Variants in EFCAB11 observed in about 807,000 individuals in gnomAD.
The protein encoded by EFCAB11 is EF-hand calcium binding domain 11.
Under a neutral mutation model 23.0 loss-of-function variants are expected in EFCAB11, and 14 were observed. The ratio of observed to expected loss-of-function variants is 0.61; its 90% CI spans 0.40 to 0.95. EFCAB11 has a LOEUF of 0.95. Among genes scored for constraint, EFCAB11 ranks in the 40% least tolerant of loss-of-function variants. The pLI, the probability that EFCAB11 is intolerant of heterozygous loss-of-function variation, is 0.00. For synonymous variants in EFCAB11, 65 were observed against 66.6 expected, an observed-to-expected ratio of 0.98 and a Z score of 0.11; for missense variants, 198 against 195.8, an observed-to-expected ratio of 1.01 and a Z score of -0.07.
rs1889978591 is a variant in EFCAB11 at position 89,920,186 on chromosome 14, A to C, written c.410+11355T>G. Reference sequence around the variant, plus strand: ...CAATCTGAACTGGAATGCCTTCTACAGTTTGATGGATATAAATGTTGCATC... The same window carrying C: ...CAATCTGAACTGGAATGCCTTCTACCGTTTGATGGATATAAATGTTGCATC... On this transcript the variant is annotated intron_variant, in intron 5 of 5. Transcript: ENST00000316738. 2.0e-5 allele frequency among the ~76,000 whole-genome samples: 3 copies of C among 152,364 alleles called. No individual in the cohort carries two copies. In the South Asian group the frequency reaches 6.2e-4, roughly 32 times the overall value.
At chr14:89,894,531 T>C (rs1368953234) in intron 5 of EFCAB11, among the ~76,000 whole-genome samples, 1 of 149,508 alleles carries the variant, frequency 6.7e-6, no homozygotes, top group African/African-American at 2.5e-5. Flanking sequence ...CTAGACCAGA[T>C]AAGAAATTCT....
intron 5 of EFCAB11, among the ~76,000 whole-genome samples, chr14:89,889,451 T>C (rs1249323715): frequency 6.6e-6 from 1 of 152,204 alleles, no homozygotes; most frequent in Non-Finnish European, 1.5e-5. Flanking sequence ...CTTAGAACAG[T>C]GCTTGCCAAA....
At chr14:89,883,371 G>A (rs546505716) in intron 5 of EFCAB11, among the ~76,000 whole-genome samples, 81 of 152,200 alleles carry the variant, frequency 5.3e-4, no homozygotes, top group Non-Finnish European at 1.1e-3. Flanking sequence ...TATAGTCATC[G>A]CTTGGTATCC....
intron 2 of EFCAB11, among the ~76,000 whole-genome samples, chr14:89,951,381 C>T (rs1255044681): frequency 6.6e-6 from 1 of 152,186 alleles, no homozygotes; most frequent in Non-Finnish European, 1.5e-5. Context: ...AGTAGTCTAT[C>T]TTCTCTAGTC....
chr14:89,814,587 C>T (rs1886267019), intron 5 of EFCAB11, among the ~76,000 whole-genome samples: 1 of 151,920 alleles, frequency 6.6e-6, no homozygotes, highest in Non-Finnish European at 1.5e-5. Flanking sequence ...GCCTGTAATC[C>T]CAGCTACTCG....
intron 5 of EFCAB11, chr14:89,799,541 A>T (rs1885697900): frequency 6.6e-6 from 1 of 152,180 alleles, no homozygotes; most frequent in Non-Finnish European, 1.5e-5. Context: ...CAGGTTAAAA[A>T]GCCCTCTTGT....
At position 89,813,446 on chromosome 14, in the gene EFCAB11, A is replaced by T. The variant is rs181268238; in HGVS notation, c.411-16122T>A. ...CACTCATCTTAACAAAAACAGAGAG[A>T]AACAGGGAAGAATCAATACCAAAAT... On this transcript the variant is annotated intron_variant, in intron 5 of 5. Coordinates refer to ENST00000316738, the MANE Select transcript of EFCAB11 (RefSeq NM_145231.4). 4.4e-3 allele frequency among the ~76,000 whole-genome samples: 673 copies of T among 152,348 alleles called. 7 individuals are homozygous for T. Among genetic ancestry groups the T allele is most frequent in the African/African-American group, 0.015 (627 of 41,576 alleles).
intron 5 of EFCAB11, among the ~76,000 whole-genome samples, chr14:89,877,044 GT>G (rs148793164): frequency 0.083 from 12,231 of 146,756 alleles, 704 homozygotes; most frequent in South Asian, 0.21. Context: ...ATGACCAAAA[GT>G]TTTTTTTTTT....
chr14:89,877,805 C>T lies in EFCAB11; in HGVS notation c.410+53736G>A, dbSNP rs115227184. Among the ~76,000 whole-genome samples the T allele has an allele frequency of 6.8e-3, 1,039 of 152,282 alleles. 13 individuals are homozygous for T. Among genetic ancestry groups the T allele is most frequent in the African/African-American group, 0.024 (996 of 41,544 alleles). Reference sequence around the variant, plus strand: ...ATACAAATCAGAGTATCTCAAAAGGCACCCCTTCATATATTAAGACATTGG... The same window carrying T: ...ATACAAATCAGAGTATCTCAAAAGGTACCCCTTCATATATTAAGACATTGG... On this transcript the variant is annotated intron_variant, in intron 5 of 5. Coordinates refer to ENST00000316738, the MANE Select transcript of EFCAB11 (RefSeq NM_145231.4).
chr14:89,843,824 A>T (rs1441328508), intron 5 of EFCAB11, among the ~76,000 whole-genome samples: 1 of 152,214 alleles, frequency 6.6e-6, no homozygotes, highest in Non-Finnish European at 1.5e-5. Context: ...ACACTATAAA[A>T]ACCATATTTA....
At chr14:89,895,967 T>G (rs568268977) in intron 5 of EFCAB11, among the ~76,000 whole-genome samples, 2 of 152,228 alleles carry the variant, frequency 1.3e-5, no homozygotes, top group East Asian at 3.9e-4. Flanking sequence ...GTAAAAACCA[T>G]GAACAGGTAT....
chr14:89,854,929 A>C (rs1052825098), intron 5 of EFCAB11, among the ~76,000 whole-genome samples: 42 of 152,314 alleles, frequency 2.8e-4, no homozygotes, highest in African/African-American at 1.0e-3. Flanking sequence ...AGGAAGTCTC[A>C]GTAGCTTGGT....
intron 5 of EFCAB11, among the ~76,000 whole-genome samples, chr14:89,871,450 T>C (rs1020281700): frequency 1.3e-5 from 2 of 152,182 alleles, no homozygotes; most frequent in African/African-American, 4.8e-5. Flanking sequence ...ACCTCATTGG[T>C]GAGGAAGTCT....
chr14:89,829,658 T>A (rs1285902664), intron 5 of EFCAB11, among the ~76,000 whole-genome samples: 1 of 152,170 alleles, frequency 6.6e-6, no homozygotes, highest in Non-Finnish European at 1.5e-5. Context: ...ACAGGTAGAA[T>A]CAAATGGCAA....
At chr14:89,823,398 G>A (rs545382745) in intron 5 of EFCAB11, among the ~76,000 whole-genome samples, 2 of 152,132 alleles carry the variant, frequency 1.3e-5, no homozygotes, top group East Asian at 1.9e-4. Flanking sequence ...CCAACACCTT[G>A]ATTTTGACCT....
chr14:89,857,212 A>C (rs1329748860), intron 5 of EFCAB11, among the ~76,000 whole-genome samples: 3 of 152,236 alleles, frequency 2.0e-5, no homozygotes, highest in African/African-American at 7.2e-5. Context: ...ACTCAACCAC[A>C]AATAATAAAA....
intron 3 of EFCAB11, among the ~76,000 whole-genome samples, chr14:89,935,278 T>C (rs145783188): frequency 6.6e-6 from 1 of 152,308 alleles, no homozygotes; most frequent in African/African-American, 2.4e-5. Context: ...ATGTTTAGCA[T>C]GATGCCTAGC....
chr14:89,908,648 A>G (rs28453831), intron 5 of EFCAB11, among the ~76,000 whole-genome samples: 48,205 of 152,056 alleles, frequency 0.32, 11,701 homozygotes, highest in African/African-American at 0.67. Flanking sequence ...AATCTGAAAC[A>G]TTTCTGGTCC....
At chr14:89,821,611 A>T (rs1321196998) in intron 5 of EFCAB11, among the ~76,000 whole-genome samples, 4 of 152,254 alleles carry the variant, frequency 2.6e-5, no homozygotes, top group African/African-American at 9.6e-5. Context: ...AGATTGGACA[A>T]CAGAGAGTAA....
Sources: gnomAD v4.1 joint callset for allele counts (sites outside exome capture counted in the v4.1 genomes callset) on GRCh38, gnomAD v4.1.1 for gene constraint, MANE v1.5 for transcripts, NCBI Gene and HGNC (gene_info 2026-07-23, HGNC 2026-07-21) for gene names.